Variants in SDHAF4 observed in about 807,000 individuals in gnomAD.
SDHAF4 encodes the protein succinate dehydrogenase complex assembly factor 4.
In SDHAF4, 14 loss-of-function variants were observed where a neutral mutation model predicts 14.3. The observed-to-expected ratio is 0.98, with a 90% CI of 0.65 to 1.53. The LOEUF is 1.53. SDHAF4 is among the 40% of genes most tolerant of loss of function. The probability of loss-of-function intolerance (pLI) is 0.00; values close to 1 mark genes in which losing one functional copy is unlikely to be tolerated. For missense variants in SDHAF4, 141 were observed against 129.3 expected (o/e 1.09, Z -0.44); for synonymous variants, 63 against 47.3 (o/e 1.33, Z -1.36).
intron 1 of SDHAF4, among the ~76,000 whole-genome samples, chr6:70,571,929 A>AT (rs1049156406): frequency 6.6e-6 from 1 of 150,686 alleles, no homozygotes; most frequent in Non-Finnish European, 1.5e-5. Flanking sequence ...AGTTTCTGGT[A>AT]TTTTTTTAAA....
downstream of SDHAF4, among the ~76,000 whole-genome samples, chr6:70,591,127 A>T (rs374786307): frequency 2.0e-4 from 30 of 152,186 alleles, no homozygotes; most frequent in East Asian, 1.5e-3. Context: ...TGCTAATCTC[A>T]TTCAGAAACA....
chr6:70,569,150 G>C (rs1802145907), intron 1 of SDHAF4, among the ~76,000 whole-genome samples: 1 of 150,530 alleles, frequency 6.6e-6, no homozygotes, highest in Non-Finnish European at 1.5e-5. Flanking sequence ...ATTTTTAGTA[G>C]AGACGGGGTT....
rs1765238465 is a variant in SDHAF4, at chr6:70,589,340, A to G, written c.*616A>G. ...ACCATTGCGCCTGGCTAATTTTTGTATTTTTAGTAAAGACAAGGTTTCACC... is the reference window on the plus strand; with the variant it reads ...ACCATTGCGCCTGGCTAATTTTTGTGTTTTTAGTAAAGACAAGGTTTCACC... On this transcript the variant is annotated 3_prime_UTR_variant, in exon 3 of 3. Coordinates refer to ENST00000370474, the MANE Select transcript of SDHAF4 (RefSeq NM_145267.3). 1 of 151,616 alleles carries G rather than the reference A, an allele frequency of 6.6e-6. No individual in the cohort carries two copies. The highest frequency in any genetic ancestry group is 2.4e-5 in the African/African-American group (1 of 41,262). 9.4% of individuals were successfully genotyped at this position (151,616 alleles called of 1,614,324 possible).
chr6:70,592,829 C>G (rs1389638201), downstream of SDHAF4, among the ~76,000 whole-genome samples: 1 of 152,122 alleles, frequency 6.6e-6, no homozygotes, highest in Non-Finnish European at 1.5e-5. Context: ...CAGAGGAAAC[C>G]AAGCGTATGA....
At position 70,569,764 on chromosome 6, in the gene SDHAF4, G is replaced by C. The variant is rs150277763; in HGVS notation, c.64+2760G>C. Among the ~76,000 whole-genome samples, 374 of 152,130 alleles carry C rather than the reference G, an allele frequency of 2.5e-3. 3 individuals are homozygous for C. Among genetic ancestry groups the C allele is most frequent in the African/African-American group, 8.6e-3 (356 of 41,498 alleles). ...AATTTTATCTATAAAATTTTGTCTTGATCCTTTTGTTTATTGTGACTGCCT... is the reference window on the plus strand; with the variant it reads ...AATTTTATCTATAAAATTTTGTCTTCATCCTTTTGTTTATTGTGACTGCCT... On this transcript the variant is annotated intron_variant, in intron 1 of 2. Transcript: ENST00000370474.
At chr6:70,578,037 C>T (rs930023433) in intron 1 of SDHAF4, among the ~76,000 whole-genome samples, 4 of 152,074 alleles carry the variant, frequency 2.6e-5, no homozygotes, top group African/African-American at 7.2e-5. Flanking sequence ...AACATGCAAG[C>T]GCATGTGTCT....
intron 1 of SDHAF4, among the ~76,000 whole-genome samples, chr6:70,571,405 C>G (rs574747098): frequency 6.6e-6 from 1 of 152,164 alleles, no homozygotes; most frequent in Non-Finnish European, 1.5e-5. Context: ...ACCCCTGCCT[C>G]CCGGGTTCAA....
intron 1 of SDHAF4, among the ~76,000 whole-genome samples, chr6:70,569,252 C>A (rs1417096882): frequency 6.6e-6 from 1 of 151,942 alleles, no homozygotes; most frequent in Non-Finnish European, 1.5e-5. Context: ...GCGTGAGCCA[C>A]CGCACCCGGC....
downstream of SDHAF4, among the ~76,000 whole-genome samples, chr6:70,592,017 T>A (rs1449310674): frequency 1.3e-5 from 2 of 152,238 alleles, no homozygotes; most frequent in Non-Finnish European, 2.9e-5. Flanking sequence ...CTGAGCCCAC[T>A]CAGCCAACTT....
intron 1 of SDHAF4, among the ~76,000 whole-genome samples, chr6:70,573,264 C>CTTTTTTTTTTTTTTTTTTTTTTTT (rs202098262): frequency 1.8e-5 from 2 of 110,456 alleles, no homozygotes; most frequent in Admixed American, 9.5e-5. Context: ...GCTATTTGGC[C>CTTTTTTTTTTTTTTTTTTTTTTTT]TTTTTTTTTT....
chr6:70,591,829 A>G (rs540816531), downstream of SDHAF4, among the ~76,000 whole-genome samples: 1 of 152,240 alleles, frequency 6.6e-6, no homozygotes, highest in South Asian at 2.1e-4. Flanking sequence ...GTTGAAACTT[A>G]ATCCCCAATG....
Position 70,567,045 on chromosome 6 carries a change from G to C in SDHAF4, c.64+41G>C. On this transcript the variant is annotated intron_variant, in intron 1 of 2. Coordinates refer to ENST00000370474, the MANE Select transcript of SDHAF4 (RefSeq NM_145267.3). The stretch of plus-strand genomic sequence containing the variant: ...CGGGGCCACGGTCGCGGGAGGGGTC[G>C]TGAAGGCCCAGGCGCAGAGAGAAGC... The C allele has an allele frequency of 2.0e-6, 3 of 1,537,776 alleles. No individual in the cohort carries two copies. The South Asian group carries it at 3.6e-5, about 18-fold the overall frequency.
intron 1 of SDHAF4, among the ~76,000 whole-genome samples, chr6:70,575,905 T>C (rs1220526596): frequency 2.0e-5 from 3 of 152,040 alleles, no homozygotes; most frequent in Admixed American, 6.6e-5. Context: ...AAAGAGGCTT[T>C]TGTTTTAAGT....
intron 1 of SDHAF4, among the ~76,000 whole-genome samples, chr6:70,568,605 T>C (rs1802136181): frequency 6.6e-6 from 1 of 152,208 alleles, no homozygotes; most frequent in African/African-American, 2.4e-5. Flanking sequence ...CAAAGGACAT[T>C]TGGGTAATTC....
intron 1 of SDHAF4, among the ~76,000 whole-genome samples, chr6:70,574,593 C>T (rs1456122490): frequency 6.6e-6 from 1 of 152,156 alleles, no homozygotes; most frequent in East Asian, 1.9e-4. Context: ...CCTAGAACTA[C>T]TCAGAATCTG....
chr6:70,574,417 T>C lies in SDHAF4; in HGVS notation c.65-4997T>C, dbSNP rs146963168. ...CACGGGTGTGGGTCAGTCAGTGGCT[T>C]CAGAATCTCAGAGGGGCTTCTTTTT... On this transcript the variant is annotated intron_variant, in intron 1 of 2. Coordinates refer to ENST00000370474, the MANE Select transcript of SDHAF4 (RefSeq NM_145267.3). Among the ~76,000 whole-genome samples the C allele has an allele frequency of 2.5e-3, 374 of 152,318 alleles. 3 individuals carry two copies. The highest frequency in any genetic ancestry group is 8.6e-3 in the African/African-American group (356 of 41,572).
chr6:70,596,921 A>G, the SDHAF4 span: 1 of 152,232 alleles, frequency 6.6e-6, no homozygotes, highest in Admixed American at 6.5e-5. Context: ...TATATTAGTA[A>G]TTTGATAATT....
the SDHAF4 span, among the ~76,000 whole-genome samples, chr6:70,595,191 G>A: frequency 6.6e-6 from 1 of 152,136 alleles, no homozygotes; most frequent in African/African-American, 2.4e-5. Flanking sequence ...CATCTCCTCT[G>A]GCCTCACTCA....
chr6:70,569,115 G>A lies in SDHAF4; in HGVS notation c.64+2111G>A, dbSNP rs536344716. Among the ~76,000 whole-genome samples the A allele has an allele frequency of 4.4e-3, 642 of 145,852 alleles. 5 individuals carry two copies. The highest frequency in any genetic ancestry group is 0.015 in the African/African-American group (606 of 39,226). ...CGTGTAGCTGGGACTACAGGCGCGC[G>A]CCACCACGCCCGGCTAATTTTTGTA... is the stretch of plus-strand genomic sequence containing the variant. On this transcript the variant is annotated intron_variant, in intron 1 of 2. Transcript: ENST00000370474.
Sources: gnomAD v4.1 joint callset for allele counts (sites outside exome capture counted in the v4.1 genomes callset) on GRCh38, gnomAD v4.1.1 for gene constraint, MANE v1.5 for transcripts, NCBI Gene and HGNC (gene_info 2026-07-23, HGNC 2026-07-21) for gene names.